The following CCDC178 variants were observed in gnomAD, a reference collection of about 807,000 sequenced individuals.
The protein encoded by CCDC178 is coiled-coil domain-containing protein 178.
In CCDC178, 126 loss-of-function variants were observed where a neutral mutation model predicts 117.4. The ratio of observed to expected loss-of-function variants is 1.07; its 90% CI spans 0.93 to 1.24. The LOEUF (loss-of-function observed/expected upper bound fraction) is 1.24, where lower values mean the gene tolerates loss of function less well. Ranked by LOEUF, CCDC178 falls within the 50% of genes most tolerant of loss-of-function variation. The pLI, the probability that CCDC178 is intolerant of heterozygous loss-of-function variation, is 0.00. For synonymous variants in CCDC178, 283 were observed against 313.4 expected, an observed-to-expected ratio of 0.90 and a Z score of 1.02; for missense variants, 1,030 against 986.9, an observed-to-expected ratio of 1.04 and a Z score of -0.59.
intron 12 of CCDC178, among the ~76,000 whole-genome samples, chr18:33,271,659 T>C (rs551236386): frequency 6.6e-6 from 1 of 150,966 alleles, no homozygotes; most frequent in South Asian, 2.1e-4. Context: ...AAATAGAAAA[T>C]TTGACAAAAA....
chr18:33,024,911 C>A (rs1481987613), intron 21 of CCDC178, among the ~76,000 whole-genome samples: 3 of 151,920 alleles, frequency 2.0e-5, no homozygotes, highest in Non-Finnish European at 4.4e-5. Context: ...TTGGCCTCCC[C>A]CAAAGTGCTG....
At chr18:33,321,719 C>T (rs2062511091) in intron 11 of CCDC178, among the ~76,000 whole-genome samples, 2 of 151,060 alleles carry the variant, frequency 1.3e-5, no homozygotes, top group African/African-American at 2.4e-5. Context: ...TAAGAAAATA[C>T]CAATAATCAA....
intron 20 of CCDC178, among the ~76,000 whole-genome samples, chr18:33,194,922 G>C (rs1230795889): frequency 3.3e-5 from 4 of 122,996 alleles, no homozygotes; most frequent in Non-Finnish European, 6.6e-5. Context: ...AAAAAAAAGA[G>C]AGAGAGAGAG....
chr18:33,066,021 C>G (rs940196322), intron 21 of CCDC178, among the ~76,000 whole-genome samples: 6 of 151,924 alleles, frequency 3.9e-5, no homozygotes, highest in Non-Finnish European at 7.4e-5. Context: ...GCCATCACGC[C>G]TGGCTAATTT....
At chr18:33,190,715 C>T (rs993107211) in intron 20 of CCDC178, among the ~76,000 whole-genome samples, 1 of 152,164 alleles carries the variant, frequency 6.6e-6, no homozygotes, top group African/African-American at 2.4e-5. Flanking sequence ...CCCTGATTCA[C>T]TTTCATACTG....
intron 22 of CCDC178, 65 bp downstream of exon 22, chr18:32,974,482 C>T: frequency 6.9e-7 from 1 of 1,452,926 alleles, no homozygotes; most frequent in Non-Finnish European, 9.6e-7. Flanking sequence ...CTTCATCACA[C>T]TACCCATCAT....
At chr18:33,434,710 C>T (rs945595027) in intron 2 of CCDC178, among the ~76,000 whole-genome samples, 1 of 152,056 alleles carries the variant, frequency 6.6e-6, no homozygotes, top group Admixed American at 6.6e-5. Flanking sequence ...GTCAAAGAAA[C>T]AAGCAAAAGT....
chr18:33,244,490 A>T (rs552137117), intron 15 of CCDC178, among the ~76,000 whole-genome samples: 3 of 151,838 alleles, frequency 2.0e-5, no homozygotes, highest in African/African-American at 4.8e-5. Context: ...TGCTATTCTC[A>T]TGATAGTGAG....
chr18:33,269,422 T>C (rs2059859407), intron 12 of CCDC178, among the ~76,000 whole-genome samples: 1 of 151,768 alleles, frequency 6.6e-6, no homozygotes, highest in Admixed American at 6.6e-5. Flanking sequence ...TGGAAATACC[T>C]GAGAAGCTAT....
intron 21 of CCDC178, among the ~76,000 whole-genome samples, chr18:32,994,543 C>T (rs9961301): frequency 0.15 from 22,828 of 151,956 alleles, 2,512 homozygotes; most frequent in African/African-American, 0.31. Flanking sequence ...TTTCCAGTAC[C>T]AGTTTTAAGT....
intron 6 of CCDC178, among the ~76,000 whole-genome samples, chr18:33,361,559 A>G (rs997168456): frequency 1.3e-5 from 2 of 151,820 alleles, no homozygotes; most frequent in African/African-American, 4.8e-5. Flanking sequence ...TGGAAACCAC[A>G]TATCTGATAA....
intron 20 of CCDC178, among the ~76,000 whole-genome samples, chr18:33,140,188 G>GC (rs2058183616): frequency 6.6e-6 from 1 of 152,158 alleles, no homozygotes; most frequent in African/African-American, 2.4e-5. Context: ...TGCTGCAGGG[G>GC]CGTGGCTCTC....
At chr18:33,434,710 CA>C (rs1187312803) in intron 2 of CCDC178, among the ~76,000 whole-genome samples, 4 of 152,056 alleles carry the variant, frequency 2.6e-5, no homozygotes, top group African/African-American at 9.7e-5. Context: ...GTCAAAGAAA[CA>C]AGCAAAAGTT....
chr18:33,163,302 T>C (rs973231201), intron 20 of CCDC178, among the ~76,000 whole-genome samples: 4 of 152,214 alleles, frequency 2.6e-5, no homozygotes, highest in African/African-American at 9.6e-5. Flanking sequence ...AGTTAAAATA[T>C]ATAAACATAT....
chr18:33,437,942 C>A (rs1404574523), intron 2 of CCDC178, among the ~76,000 whole-genome samples: 1 of 152,080 alleles, frequency 6.6e-6, no homozygotes, highest in Non-Finnish European at 1.5e-5. Context: ...AATTACATGT[C>A]CATAAATACA....
At chr18:33,303,841 G>A (rs2062212768) in intron 11 of CCDC178, among the ~76,000 whole-genome samples, 1 of 152,186 alleles carries the variant, frequency 6.6e-6, no homozygotes, top group Non-Finnish European at 1.5e-5. Flanking sequence ...GGAGGAAGCA[G>A]TAGTCAGGGC....
chr18:33,165,564 A>G (rs2058518811), intron 20 of CCDC178, among the ~76,000 whole-genome samples: 1 of 152,202 alleles, frequency 6.6e-6, no homozygotes. Context: ...TTTTCATTTG[A>G]AAGCTCAAAT....
At chr18:33,143,721 T>C (rs1394004356) in intron 20 of CCDC178, among the ~76,000 whole-genome samples, 1 of 152,138 alleles carries the variant, frequency 6.6e-6, no homozygotes, top group Non-Finnish European at 1.5e-5. Flanking sequence ...TGTGGAATAT[T>C]AGTGTAAAAG....
intron 20 of CCDC178, among the ~76,000 whole-genome samples, chr18:33,141,267 T>C (rs987384436): frequency 6.6e-6 from 1 of 152,184 alleles, no homozygotes; most frequent in Non-Finnish European, 1.5e-5. Context: ...ACAAATACTT[T>C]CTTTGGGGCA....
Sources: allele counts gnomAD v4.1 joint callset (sites outside exome capture counted in the v4.1 genomes callset), GRCh38; gene constraint gnomAD v4.1.1; transcripts MANE v1.5; gene names NCBI Gene and HGNC (gene_info 2026-07-23, HGNC 2026-07-21).